GAREM1: variants seen among roughly 807,000 people sequenced by gnomAD.
GAREM1 encodes GRB2 associated regulator of MAPK1 subtype 1, also known as GRB2-associated and regulator of MAPK protein 1.
A neutral mutation model predicts 71.3 loss-of-function variants in GAREM1; 26 were observed. The ratio of observed to expected loss-of-function variants is 0.36; its 90% confidence interval spans 0.27 to 0.51. The LOEUF is 0.51. Ranked by LOEUF, GAREM1 falls within the 20% of genes least tolerant of loss-of-function variation. The pLI is 0.95. For missense variants in GAREM1, 1,026 were observed against 1,103.1 expected (o/e 0.93, Z 0.99); for synonymous variants, 440 against 433.2 (o/e 1.02, Z -0.20).
chr18:32,400,631 C>G (rs1356126865), intron 1 of GAREM1, among the ~76,000 whole-genome samples: 3 of 152,200 alleles, frequency 2.0e-5, no homozygotes, highest in African/African-American at 7.2e-5. Context: ...AAGATACCAT[C>G]TCACACCAGT....
At chr18:32,327,919 G>A (rs181305967) in intron 2 of GAREM1, among the ~76,000 whole-genome samples, 2 of 152,088 alleles carry the variant, frequency 1.3e-5, no homozygotes, top group African/African-American at 4.8e-5. Flanking sequence ...ATTAAATGAG[G>A]CCATATAGGT....
chr18:32,444,605 A>C (rs1568013886), intron 1 of GAREM1, among the ~76,000 whole-genome samples: 1 of 152,180 alleles, frequency 6.6e-6, no homozygotes, highest in Non-Finnish European at 1.5e-5. Flanking sequence ...AATAATCCTC[A>C]AGAGGGTTAA....
intron 2 of GAREM1, among the ~76,000 whole-genome samples, chr18:32,371,174 G>A (rs529251431): frequency 2.6e-5 from 4 of 152,202 alleles, no homozygotes; most frequent in South Asian, 4.2e-4. Flanking sequence ...GGCATGTGCA[G>A]GGAACTACAC....
At chr18:32,346,654 T>C (rs1471508561) in intron 2 of GAREM1, among the ~76,000 whole-genome samples, 4 of 152,204 alleles carry the variant, frequency 2.6e-5, no homozygotes, top group Admixed American at 6.5e-5. Flanking sequence ...ATTAATGTTA[T>C]GGGAATCAGA....
In GAREM1 at chr18:32,266,596, T is replaced by C. The variant is rs766227529; in HGVS notation, c.*1275A>G. ...AAATTCTCAGACTAATGTAAAAGTATGGTAATAATGTATTTTCTTTGAAAG... is the reference window on the plus strand; with the variant it reads ...AAATTCTCAGACTAATGTAAAAGTACGGTAATAATGTATTTTCTTTGAAAG... On this transcript the variant is annotated 3_prime_UTR_variant, in exon 6 of 6. Coordinates refer to ENST00000269209, the MANE Select transcript of GAREM1 (RefSeq NM_001242409.2). 1 of 152,222 alleles carries C rather than the reference T, an allele frequency of 6.6e-6. No individual in the cohort carries two copies. Among genetic ancestry groups the C allele is most frequent in the Non-Finnish European group, 1.5e-5 (1 of 68,040 alleles). The allele number at this position is 152,222 out of a possible 1,614,324, so 9.4% of individuals were successfully genotyped here.
At chr18:32,366,197 C>G (rs2047927189) in intron 2 of GAREM1, among the ~76,000 whole-genome samples, 2 of 152,300 alleles carry the variant, frequency 1.3e-5, no homozygotes, top group African/African-American at 4.8e-5. Context: ...GTTCCCCCAA[C>G]TCTACCTAGT....
At chr18:32,348,058 C>A (rs969248721) in intron 2 of GAREM1, among the ~76,000 whole-genome samples, 2 of 152,204 alleles carry the variant, frequency 1.3e-5, no homozygotes, top group African/African-American at 4.8e-5. Flanking sequence ...TTTAATTTGC[C>A]TAGTTTAAAC....
intron 2 of GAREM1, among the ~76,000 whole-genome samples, chr18:32,334,398 C>T (rs2047568459): frequency 6.6e-6 from 1 of 152,002 alleles, no homozygotes; most frequent in East Asian, 1.9e-4. Flanking sequence ...ACCAAAACTT[C>T]TCACCTTACA....
intron 1 of GAREM1, among the ~76,000 whole-genome samples, chr18:32,431,291 T>C (rs1489228663): frequency 2.0e-5 from 3 of 152,250 alleles, no homozygotes; most frequent in African/African-American, 7.2e-5. Flanking sequence ...CTAATATTCA[T>C]GCTATAACGG....
intron 1 of GAREM1, among the ~76,000 whole-genome samples, chr18:32,420,755 G>GA (rs10683034): frequency 0.1 from 12,597 of 123,012 alleles, 829 homozygotes; most frequent in Admixed American, 0.18. Flanking sequence ...CTTCAAAAAT[G>GA]AAAAAAAAAA....
intron 1 of GAREM1, among the ~76,000 whole-genome samples, chr18:32,393,649 AT>A (rs571756469): frequency 1.3e-5 from 2 of 152,164 alleles, no homozygotes; most frequent in Non-Finnish European, 2.9e-5. Context: ...ATGTTTGCCA[AT>A]TTTCTCTGGC....
chr18:32,321,341 C>T (rs1308525854), intron 2 of GAREM1, among the ~76,000 whole-genome samples: 2 of 152,178 alleles, frequency 1.3e-5, no homozygotes, highest in African/African-American at 2.4e-5. Flanking sequence ...GCTCTTTTCT[C>T]AGTCTGTGCA....
At position 32,299,462 on chromosome 18, in the gene GAREM1, C is replaced by T. The variant is rs181355202; in HGVS notation, c.393+10731G>A. 4.3e-3 allele frequency among the ~76,000 whole-genome samples: 592 copies of T among 137,608 alleles called. 5 individuals are homozygous for T. The highest frequency in any genetic ancestry group is 0.016 in the African/African-American group (562 of 36,046). The allele number at this position is 137,608 out of a possible 152,430, so 90.3% of individuals were successfully genotyped here. Reference sequence around the variant, plus strand: ...CCAGGAGGCGGAGCTTGCAGTGAGCCGAGATCGCGCCACTGTACTCCAGCC... The same window carrying T: ...CCAGGAGGCGGAGCTTGCAGTGAGCTGAGATCGCGCCACTGTACTCCAGCC... On this transcript the variant is annotated intron_variant, in intron 3 of 5. Transcript: ENST00000269209.
chr18:32,270,529 G>C (rs2041445225), intron 4 of GAREM1, 146 bp from the exon 5 acceptor site: 1 of 626,578 alleles, frequency 1.6e-6, no homozygotes, highest in Non-Finnish European at 2.6e-6. Flanking sequence ...AAGTAAACAA[G>C]AATGATAGGA....
intron 2 of GAREM1, among the ~76,000 whole-genome samples, chr18:32,335,651 A>C (rs1228755100): frequency 1.3e-5 from 2 of 152,230 alleles, no homozygotes; most frequent in Non-Finnish European, 2.9e-5. Context: ...TTTGAACTAC[A>C]TGTATCCATC....
chr18:32,441,285 T>C (rs1311794522), intron 1 of GAREM1, among the ~76,000 whole-genome samples: 1 of 152,074 alleles, frequency 6.6e-6, no homozygotes, highest in East Asian at 1.9e-4. Flanking sequence ...AGAATTTGGG[T>C]TCTGTGTGGA....
chr18:32,324,682 T>A (rs567478794), intron 2 of GAREM1, among the ~76,000 whole-genome samples: 11 of 152,294 alleles, frequency 7.2e-5, no homozygotes, highest in African/African-American at 2.4e-4. Flanking sequence ...AGACACAAAG[T>A]AAAATAAAAA....
intron 1 of GAREM1, among the ~76,000 whole-genome samples, chr18:32,428,436 C>A (rs1180679134): frequency 2.0e-5 from 3 of 152,014 alleles, no homozygotes; most frequent in Admixed American, 6.5e-5. Flanking sequence ...TTTGGCATCA[C>A]CCCCTGTGGT....
intron 1 of GAREM1, among the ~76,000 whole-genome samples, chr18:32,419,740 A>G (rs2048502534): frequency 6.6e-6 from 1 of 152,194 alleles, no homozygotes; most frequent in Non-Finnish European, 1.5e-5. Context: ...CCAGGGGATG[A>G]GTACAAGGGA....
Sources: gnomAD v4.1 joint callset for allele counts (sites outside exome capture counted in the v4.1 genomes callset) on GRCh38, gnomAD v4.1.1 for gene constraint, MANE v1.5 for transcripts, NCBI Gene and HGNC (gene_info 2026-07-23, HGNC 2026-07-21) for gene names.